The following DGKB variants were observed in gnomAD, a reference collection of about 807,000 sequenced individuals.
DGKB encodes diacylglycerol kinase beta.
In DGKB, 67 loss-of-function variants were observed where a neutral mutation model predicts 114.3. That is an observed-to-expected ratio of 0.59 (90% CI 0.48 to 0.72). DGKB has a LOEUF of 0.72. Among genes scored for constraint, DGKB ranks in the 30% least tolerant of loss-of-function variants. The probability of loss-of-function intolerance (pLI) is 0.00; values close to 1 mark genes in which losing one functional copy is unlikely to be tolerated. For synonymous variants in DGKB, 398 were observed against 323.1 expected, an observed-to-expected ratio of 1.23 and a Z score of -2.49; for missense variants, 907 against 975.2, an observed-to-expected ratio of 0.93 and a Z score of 0.93.
chr7:14,183,288 T>A (rs183279324), intron 23 of DGKB, among the ~76,000 whole-genome samples: 2 of 152,344 alleles, frequency 1.3e-5, no homozygotes, highest in African/African-American at 2.4e-5. Flanking sequence ...CTACTTCTAA[T>A]TGATTCTTAA....
intron 23 of DGKB, among the ~76,000 whole-genome samples, chr7:14,258,454 A>G (rs945028123): frequency 6.6e-6 from 1 of 152,234 alleles, no homozygotes; most frequent in African/African-American, 2.4e-5. Context: ...AAGACTACAG[A>G]TGAAATTTAT....
chr7:14,718,722 T>G, intron 5 of DGKB, 37 bp from the exon 6 acceptor site: 1 of 1,482,538 alleles, frequency 6.7e-7, no homozygotes, highest in Non-Finnish European at 9.3e-7. Context: ...TGTTAATTAT[T>G]TACAGTGATC....
intron 2 of DGKB, among the ~76,000 whole-genome samples, chr7:14,760,882 G>T (rs1317364544): frequency 6.6e-6 from 1 of 152,090 alleles, no homozygotes; most frequent in African/African-American, 2.4e-5. Flanking sequence ...TATTTTATTA[G>T]TGTACTGGTC....
chr7:14,912,862 C>T (rs1380502826), intron 1 of DGKB, among the ~76,000 whole-genome samples: 1 of 152,154 alleles, frequency 6.6e-6, no homozygotes, highest in African/African-American at 2.4e-5. Context: ...TTCATATTGT[C>T]TCGTACAGAA....
chr7:14,874,522 C>A (rs1852964110), intron 1 of DGKB, among the ~76,000 whole-genome samples: 1 of 151,888 alleles, frequency 6.6e-6, no homozygotes, highest in African/African-American at 2.4e-5. Context: ...AAGTCCACTA[C>A]AATATTTTAC....
At chr7:14,207,580 T>G (rs1336762448) in intron 23 of DGKB, among the ~76,000 whole-genome samples, 1 of 152,078 alleles carries the variant, frequency 6.6e-6, no homozygotes, top group African/African-American at 2.4e-5. Flanking sequence ...GTATGGCTTT[T>G]AAGCCTAATT....
chr7:14,551,348 G>A (rs1474111651), intron 20 of DGKB, among the ~76,000 whole-genome samples: 1 of 152,198 alleles, frequency 6.6e-6, no homozygotes. Context: ...TCATTTTCAT[G>A]TTGGCTTTCA....
chr7:14,167,880 A>G (rs957006432), intron 25 of DGKB, among the ~76,000 whole-genome samples: 1 of 152,206 alleles, frequency 6.6e-6, no homozygotes, highest in Non-Finnish European at 1.5e-5. Flanking sequence ...CTAGAGTCTT[A>G]TAACACAATA....
chr7:14,283,745 CA>C (rs1562834064), intron 23 of DGKB, among the ~76,000 whole-genome samples: 1 of 152,034 alleles, frequency 6.6e-6, no homozygotes, highest in Non-Finnish European at 1.5e-5. Flanking sequence ...ACAAACCTGA[CA>C]AAAACAAGCA....
chr7:14,364,419 A>AAAGGAAGGAAGG (rs549438126), intron 21 of DGKB, among the ~76,000 whole-genome samples: 1 of 151,692 alleles, frequency 6.6e-6, no homozygotes, highest in Non-Finnish European at 1.5e-5. Flanking sequence ...AAGAAGGAAG[A>AAAGGAAGGAAGG]AAGGAAGGAA....
intron 13 of DGKB, among the ~76,000 whole-genome samples, chr7:14,670,176 C>A (rs191146514): frequency 4.7e-4 from 72 of 151,904 alleles, no homozygotes; most frequent in African/African-American, 1.7e-3. Flanking sequence ...ATTAACATAA[C>A]CATCTCCTCA....
intron 5 of DGKB, among the ~76,000 whole-genome samples, chr7:14,732,936 G>A (rs924517388): frequency 3.3e-5 from 5 of 152,096 alleles, no homozygotes; most frequent in African/African-American, 1.2e-4. Flanking sequence ...TATTTAGACA[G>A]ACAACATTAT....
intron 23 of DGKB, among the ~76,000 whole-genome samples, chr7:14,233,562 C>A (rs1792251353): frequency 6.6e-6 from 1 of 152,022 alleles, no homozygotes; most frequent in Non-Finnish European, 1.5e-5. Context: ...TGAAGTGAAT[C>A]ATTGAAGGAA....
intron 23 of DGKB, among the ~76,000 whole-genome samples, chr7:14,280,132 TA>T (rs1430718240): frequency 6.6e-6 from 1 of 151,390 alleles, no homozygotes; most frequent in East Asian, 2.0e-4. Context: ...GAAGAATGTA[TA>T]ACTAGAATAA....
intron 17 of DGKB, among the ~76,000 whole-genome samples, chr7:14,597,279 C>G (rs1249403348): frequency 6.6e-6 from 1 of 152,004 alleles, no homozygotes; most frequent in Non-Finnish European, 1.5e-5. Flanking sequence ...ATGAAAAATA[C>G]ATGACTCATC....
At chr7:14,905,882 T>A (rs969072011), upstream of DGKB, among the ~76,000 whole-genome samples, 1 of 152,204 alleles carries the variant, frequency 6.6e-6, no homozygotes, top group African/African-American at 2.4e-5. Context: ...ATAAGTGAGC[T>A]GGAAATAAGG....
intron 23 of DGKB, among the ~76,000 whole-genome samples, chr7:14,302,643 C>A (rs985274480): frequency 6.6e-6 from 1 of 152,052 alleles, no homozygotes; most frequent in African/African-American, 2.4e-5. Flanking sequence ...CTTTTATTGA[C>A]TTGATCCATA....
chr7:14,247,057 A>G (rs1419607087), intron 23 of DGKB, among the ~76,000 whole-genome samples: 2 of 152,104 alleles, frequency 1.3e-5, no homozygotes, highest in African/African-American at 4.8e-5. Context: ...GTTGTTTTTT[A>G]AGATTGCACA....
At chr7:14,966,463 T>C (rs1180784998) in intron 1 of DGKB, among the ~76,000 whole-genome samples, 1 of 151,662 alleles carries the variant, frequency 6.6e-6, no homozygotes, top group East Asian at 1.9e-4. Context: ...TATATATATA[T>C]GTACATTATT....
Sources: allele counts gnomAD v4.1 joint callset (sites outside exome capture counted in the v4.1 genomes callset), GRCh38; gene constraint gnomAD v4.1.1; transcripts MANE v1.5; gene names NCBI Gene and HGNC (gene_info 2026-07-23, HGNC 2026-07-21).